Variants in MAML3 observed in about 807,000 individuals in gnomAD.
MAML3 encodes mastermind-like protein 3.
Under a neutral mutation model 101.9 loss-of-function variants are expected in MAML3, and 27 were observed. The observed-to-expected ratio is 0.27, with a 90% CI of 0.20 to 0.37. MAML3 has a LOEUF of 0.37. Among genes scored for constraint, MAML3 ranks in the 10% least tolerant of loss-of-function variants. The probability of loss-of-function intolerance (pLI) is 1.00; values close to 1 mark genes in which losing one functional copy is unlikely to be tolerated. For missense variants in MAML3, 1,316 were observed against 1,444.9 expected (o/e 0.91, Z 1.45); for synonymous variants, 501 against 555.9 (o/e 0.90, Z 1.39).
intron 1 of MAML3, among the ~76,000 whole-genome samples, chr4:139,987,772 C>T (rs1734575887): frequency 1.3e-5 from 2 of 152,054 alleles, no homozygotes; most frequent in African/African-American, 4.8e-5. Context: ...GTAATCCCAG[C>T]ACTTTGGAAG....
At chr4:139,905,114 C>T (rs1299641626) in intron 1 of MAML3, among the ~76,000 whole-genome samples, 2 of 152,208 alleles carry the variant, frequency 1.3e-5, no homozygotes, top group Admixed American at 6.5e-5. Context: ...TGGTAAGAAG[C>T]TTGGACTTTA....
At chr4:140,113,565 T>C (rs1413914328) in intron 1 of MAML3, among the ~76,000 whole-genome samples, 3 of 152,138 alleles carry the variant, frequency 2.0e-5, no homozygotes, top group African/African-American at 7.2e-5. Flanking sequence ...TCTATTCCAG[T>C]AGACAGTACC....
chr4:139,961,369 C>T (rs992786690), intron 1 of MAML3, among the ~76,000 whole-genome samples: 1 of 152,196 alleles, frequency 6.6e-6, no homozygotes, highest in Non-Finnish European at 1.5e-5. Flanking sequence ...TTCACCTGAA[C>T]ACCAGATGTT....
intron 2 of MAML3, among the ~76,000 whole-genome samples, chr4:139,762,563 C>G (rs752236506): frequency 6.6e-5 from 10 of 152,112 alleles, no homozygotes; most frequent in Non-Finnish European, 1.5e-4. Flanking sequence ...CAGAGAGTTA[C>G]AGAAATATTC....
chr4:140,130,993 A>C (rs779817206), intron 1 of MAML3, among the ~76,000 whole-genome samples: 4 of 152,184 alleles, frequency 2.6e-5, no homozygotes, highest in Middle Eastern at 3.4e-3. Flanking sequence ...AGAATTAGGA[A>C]AAATCCCTTC....
At chr4:139,879,754 C>T (rs1177602159) in intron 2 of MAML3, among the ~76,000 whole-genome samples, 1 of 152,052 alleles carries the variant, frequency 6.6e-6, no homozygotes, top group Non-Finnish European at 1.5e-5. Context: ...ATGCTTTCCC[C>T]AGGTGATTCT....
chr4:139,997,670 T>A (rs1734843767), intron 1 of MAML3, among the ~76,000 whole-genome samples: 1 of 152,166 alleles, frequency 6.6e-6, no homozygotes, highest in Non-Finnish European at 1.5e-5. Context: ...ATTCCAGTTA[T>A]CTGGAGTCAT....
chr4:140,056,442 C>T (rs1727350460), intron 1 of MAML3, among the ~76,000 whole-genome samples: 1 of 151,496 alleles, frequency 6.6e-6, no homozygotes, highest in Non-Finnish European at 1.5e-5. Context: ...ACCGCAATCT[C>T]TGCCTCCCAG....
chr4:140,086,600 T>C lies in MAML3; in HGVS notation c.468+66260A>G, dbSNP rs1200674810. Among the ~76,000 whole-genome samples, 3 of 152,176 alleles carry C rather than the reference T, an allele frequency of 2.0e-5. No homozygotes were observed. In the East Asian group the frequency reaches 5.8e-4, roughly 29 times the overall value. On this transcript the variant is annotated intron_variant, in intron 1 of 4. Coordinates refer to ENST00000509479, the MANE Select transcript of MAML3 (RefSeq NM_018717.5). ...AGGTATGGCAGAATCAGAACTAAAG[T>C]ACCAGTGTTCAGACCCTCACGAATA...
At chr4:139,734,454 C>G (rs1370504454) in intron 2 of MAML3, among the ~76,000 whole-genome samples, 1 of 152,232 alleles carries the variant, frequency 6.6e-6, no homozygotes, top group African/African-American at 2.4e-5. Flanking sequence ...TTCTTCCCCT[C>G]AAAAATCCAA....
chr4:139,965,070 T>A (rs1416353482), intron 1 of MAML3, among the ~76,000 whole-genome samples: 2 of 152,210 alleles, frequency 1.3e-5, no homozygotes, highest in Admixed American at 6.5e-5. Flanking sequence ...ATAATTAAAT[T>A]ACAAAAATCT....
intron 1 of MAML3, among the ~76,000 whole-genome samples, chr4:140,012,648 T>A (rs1169917642): frequency 6.6e-6 from 1 of 152,226 alleles, no homozygotes; most frequent in Non-Finnish European, 1.5e-5. Context: ...TAGACCGCTT[T>A]GCTTAATAAT....
intron 2 of MAML3, among the ~76,000 whole-genome samples, chr4:139,820,548 A>G (rs1178327839): frequency 6.6e-6 from 1 of 152,242 alleles, no homozygotes; most frequent in Non-Finnish European, 1.5e-5. Flanking sequence ...ACTTAGTTGT[A>G]GGAACAAATA....
At position 139,885,960 on chromosome 4, in the gene MAML3, A is replaced by AAAAAAAG. The variant is rs771617532; in HGVS notation, c.2079+3396_2079+3397insCTTTTTT. 1.5e-3 allele frequency among the ~76,000 whole-genome samples: 207 copies of AAAAAAAG among 134,264 alleles called. 2 individuals carry two copies. The highest frequency in any genetic ancestry group is 2.9e-3 in the African/African-American group (100 of 34,772). The allele number at this position is 134,264 out of a possible 152,430, so 88.1% of individuals were successfully genotyped here. On this transcript the variant is annotated intron_variant, in intron 2 of 4. Transcript: ENST00000509479. Reference sequence around the variant, plus strand: ...AAAAAAAAAAAAAAAAAAAAAAAGAAAGAGAAAAAAAGTAAAGGGAATAAA... The same window carrying AAAAAAAG: ...AAAAAAAAAAAAAAAAAAAAAAAGAAAAAAAAGAGAGAAAAAAAGTAAAGGGAATAAA...
chr4:139,990,354 T>C (rs879749164), intron 1 of MAML3, among the ~76,000 whole-genome samples: 259 of 135,162 alleles, frequency 1.9e-3, no homozygotes, highest in African/African-American at 2.5e-3. Context: ...TCAACAACTC[T>C]TCATGCTAAA....
chr4:139,751,224 C>T (rs1455347113), intron 2 of MAML3, among the ~76,000 whole-genome samples: 1 of 152,186 alleles, frequency 6.6e-6, no homozygotes, highest in Admixed American at 6.5e-5. Flanking sequence ...TAGGAGACTA[C>T]TATGATACTT....
chr4:140,091,424 GCAGA>G (rs1423880574), intron 1 of MAML3, among the ~76,000 whole-genome samples: 1 of 151,608 alleles, frequency 6.6e-6, no homozygotes, highest in African/African-American at 2.4e-5. Flanking sequence ...CTGTCCCAAA[GCAGA>G]CAAGTTCCTG....
chr4:139,787,927 T>A (rs1384225182), intron 2 of MAML3, among the ~76,000 whole-genome samples: 1 of 152,238 alleles, frequency 6.6e-6, no homozygotes, highest in Non-Finnish European at 1.5e-5. Context: ...GCTTTGTACT[T>A]AACTCTCTAC....
At chr4:140,008,121 G>A (rs1222150578) in intron 1 of MAML3, among the ~76,000 whole-genome samples, 1 of 152,210 alleles carries the variant, frequency 6.6e-6, no homozygotes, top group African/African-American at 2.4e-5. Flanking sequence ...AAGGTGGGCA[G>A]ACCACCTGAG....
Sources: gnomAD v4.1 joint callset for allele counts (sites outside exome capture counted in the v4.1 genomes callset) on GRCh38, gnomAD v4.1.1 for gene constraint, MANE v1.5 for transcripts, NCBI Gene and HGNC (gene_info 2026-07-23, HGNC 2026-07-21) for gene names.